Variants in HS3ST4 observed in about 807,000 individuals in gnomAD.
HS3ST4 encodes the protein heparan sulfate-glucosamine 3-sulfotransferase 4, also known as heparan sulfate glucosamine 3-O-sulfotransferase 4.
HS3ST4 carries 17 observed loss-of-function variants against 29.2 expected under a neutral mutation model. The observed-to-expected ratio is 0.58, with a 90% confidence interval of 0.40 to 0.87. The LOEUF is 0.87. HS3ST4 is among the 40% of genes least tolerant of loss of function. The pLI, the probability that HS3ST4 is intolerant of heterozygous loss-of-function variation, is 0.00. For synonymous variants in HS3ST4, 314 were observed against 285.7 expected, an observed-to-expected ratio of 1.10 and a Z score of -1.00; for missense variants, 627 against 634.5, an observed-to-expected ratio of 0.99 and a Z score of 0.13.
At chr16:25,803,723 GT>G (rs1966963220) in intron 1 of HS3ST4, among the ~76,000 whole-genome samples, 1 of 152,128 alleles carries the variant, frequency 6.6e-6, no homozygotes, top group African/African-American at 2.4e-5. Flanking sequence ...GGTTACAACT[GT>G]TTTTCATCAA....
At chr16:25,857,924 CTT>C in intron 1 of HS3ST4, among the ~76,000 whole-genome samples, 1 of 42,206 alleles carries the variant, frequency 2.4e-5, no homozygotes, top group African/African-American at 1.4e-4. Context: ...TCCTTCCTTT[CTT>C]TCTTTCTTTC....
At chr16:25,865,449 C>T (rs1257945893) in intron 1 of HS3ST4, among the ~76,000 whole-genome samples, 4 of 152,052 alleles carry the variant, frequency 2.6e-5, no homozygotes, top group Non-Finnish European at 4.4e-5. Flanking sequence ...GTTGGCCATT[C>T]GTATGTCTTC....
intron 1 of HS3ST4, among the ~76,000 whole-genome samples, chr16:25,852,782 T>A (rs1967534856): frequency 6.6e-6 from 1 of 152,212 alleles, no homozygotes; most frequent in South Asian, 2.1e-4. Context: ...GCTTCATATT[T>A]CATCATTCTA....
chr16:25,742,170 A>AC (rs1966658439), intron 1 of HS3ST4, among the ~76,000 whole-genome samples: 4 of 152,018 alleles, frequency 2.6e-5, no homozygotes, highest in African/African-American at 9.7e-5. Flanking sequence ...GCAAATCCAC[A>AC]TCCCCCACCT....
In HS3ST4 at chr16:25,796,136, C is replaced by T. The variant is rs541825384; in HGVS notation, c.734+102985C>T. ...CCTGAACCCGTTTACTTTGCCTCCA[C>T]CCTCGTGCAATTGCCTATCTCTTTA... On this transcript the variant is annotated intron_variant, in intron 1 of 1. Transcript: ENST00000331351. Among the ~76,000 whole-genome samples the T allele has an allele frequency of 1.1e-4, 17 of 152,268 alleles. 1 individual carries two copies. The South Asian group carries it at 3.3e-3, about 30-fold the overall frequency.
intron 1 of HS3ST4, among the ~76,000 whole-genome samples, chr16:26,127,215 C>G (rs532115924): frequency 2.0e-5 from 3 of 152,348 alleles, no homozygotes; most frequent in African/African-American, 7.2e-5. Context: ...CGACCCTACT[C>G]TTCTGTCATT....
At chr16:25,987,251 G>A (rs1969073943) in intron 1 of HS3ST4, among the ~76,000 whole-genome samples, 1 of 152,110 alleles carries the variant, frequency 6.6e-6, no homozygotes, top group Non-Finnish European at 1.5e-5. Context: ...TTGGGAAGCT[G>A]AGGCAGGAGA....
At chr16:26,133,667 C>G (rs1325815079) in intron 1 of HS3ST4, among the ~76,000 whole-genome samples, 14 of 152,210 alleles carry the variant, frequency 9.2e-5, no homozygotes. Flanking sequence ...GCCGAGATAG[C>G]TCAAAACCCA....
chr16:25,942,019 A>C (rs1248038642), intron 1 of HS3ST4, among the ~76,000 whole-genome samples: 1 of 152,236 alleles, frequency 6.6e-6, no homozygotes, highest in East Asian at 1.9e-4. Context: ...ACAAAGGAAC[A>C]ACAGCTTGGA....
intron 1 of HS3ST4, among the ~76,000 whole-genome samples, chr16:25,775,845 A>C (rs1461969108): frequency 6.6e-6 from 1 of 152,132 alleles, no homozygotes; most frequent in Non-Finnish European, 1.5e-5. Context: ...ATGTCTCTTC[A>C]TCAGATCAAA....
At chr16:26,041,723 A>C (rs952390529) in intron 1 of HS3ST4, among the ~76,000 whole-genome samples, 1 of 152,184 alleles carries the variant, frequency 6.6e-6, no homozygotes, top group Non-Finnish European at 1.5e-5. Flanking sequence ...ATTCACAAAA[A>C]CAAATGGCAG....
intron 1 of HS3ST4, among the ~76,000 whole-genome samples, chr16:26,008,877 C>T (rs188930342): frequency 6.6e-6 from 1 of 152,232 alleles, no homozygotes; most frequent in East Asian, 1.9e-4. Context: ...GATGGCATGT[C>T]TTCACTCCTT....
At chr16:25,766,727 TG>T (rs1966821721) in intron 1 of HS3ST4, among the ~76,000 whole-genome samples, 1 of 152,154 alleles carries the variant, frequency 6.6e-6, no homozygotes, top group Admixed American at 6.5e-5. Flanking sequence ...ATTTTTTGGA[TG>T]GGGGTGCAAG....
At chr16:26,093,075 A>G (rs1362695031) in intron 1 of HS3ST4, among the ~76,000 whole-genome samples, 1 of 152,172 alleles carries the variant, frequency 6.6e-6, no homozygotes, top group Non-Finnish European at 1.5e-5. Context: ...GTAGGTAAAC[A>G]AAGTGGCCGG....
chr16:25,885,768 C>T (rs1967943338), intron 1 of HS3ST4, among the ~76,000 whole-genome samples: 1 of 151,770 alleles, frequency 6.6e-6, no homozygotes, highest in Non-Finnish European at 1.5e-5. Flanking sequence ...TAGTTTGACT[C>T]TGCACTTAAA....
intron 1 of HS3ST4, among the ~76,000 whole-genome samples, chr16:25,895,244 T>A (rs1272903312): frequency 2.0e-5 from 3 of 151,698 alleles, no homozygotes; most frequent in African/African-American, 7.3e-5. Flanking sequence ...GAGAACAAGG[T>A]GATGTGAGTT....
At chr16:26,123,402 G>T (rs376715607) in intron 1 of HS3ST4, among the ~76,000 whole-genome samples, 13 of 152,224 alleles carry the variant, frequency 8.5e-5, no homozygotes, top group African/African-American at 3.1e-4. Context: ...GGCATTTGTG[G>T]GCTCTGGAAT....
chr16:26,042,240 T>C (rs73514533), intron 1 of HS3ST4, among the ~76,000 whole-genome samples: 2,531 of 152,274 alleles, frequency 0.017, 66 homozygotes, highest in African/African-American at 0.056. Context: ...AGCTATCCCT[T>C]CTCTTTAACT....
intron 1 of HS3ST4, among the ~76,000 whole-genome samples, chr16:25,876,121 A>C (rs2141661970): frequency 6.6e-6 from 1 of 152,204 alleles, no homozygotes; most frequent in African/African-American, 2.4e-5. Flanking sequence ...CTCTTCATTC[A>C]TTTCCCACTC....
Sources: allele counts gnomAD v4.1 joint callset (sites outside exome capture counted in the v4.1 genomes callset), GRCh38; gene constraint gnomAD v4.1.1; transcripts MANE v1.5; gene names NCBI Gene and HGNC (gene_info 2026-07-23, HGNC 2026-07-21).